Variants in TSHZ2 observed in about 807,000 individuals in gnomAD.
TSHZ2 encodes teashirt homolog 2.
Under a neutral mutation model 74.4 loss-of-function variants are expected in TSHZ2, and 21 were observed. The observed-to-expected ratio is 0.28, with a 90% CI of 0.20 to 0.41. The LOEUF (loss-of-function observed/expected upper bound fraction) is 0.41. TSHZ2 is among the 10% of genes least tolerant of loss of function. The pLI, the probability that TSHZ2 is intolerant of heterozygous loss-of-function variation, is 1.00. For missense variants in TSHZ2, 1,244 were observed against 1,293.5 expected (o/e 0.96, Z 0.59); for synonymous variants, 540 against 515.3 (o/e 1.05, Z -0.65).
At chr20:53,104,881 T>C (rs1278765124) in intron 1 of TSHZ2, among the ~76,000 whole-genome samples, 2 of 152,162 alleles carry the variant, frequency 1.3e-5, no homozygotes, top group African/African-American at 4.8e-5. Context: ...TTTCTGTGCA[T>C]GTTTGAGGAG....
chr20:52,999,904 A>G (rs1415710606), intron 1 of TSHZ2, among the ~76,000 whole-genome samples: 3 of 152,206 alleles, frequency 2.0e-5, no homozygotes, highest in Non-Finnish European at 2.9e-5. Context: ...CAAGCCACAT[A>G]CTCAGTGGTT....
intron 1 of TSHZ2, among the ~76,000 whole-genome samples, chr20:53,214,335 C>G (rs780320117): frequency 6.6e-6 from 1 of 152,022 alleles, no homozygotes; most frequent in Non-Finnish European, 1.5e-5. Flanking sequence ...AAATGCTGTG[C>G]AAGAAAAATG....
At chr20:53,457,949 G>A (rs1985173099) in intron 2 of TSHZ2, among the ~76,000 whole-genome samples, 4 of 149,444 alleles carry the variant, frequency 2.7e-5, no homozygotes, top group Non-Finnish European at 6.0e-5. Flanking sequence ...TGTGCTGCTG[G>A]ATTCGTTTTG....
rs367984099 is a variant in TSHZ2, at chr20:53,256,187, C to T, written c.2729C>T (p.Thr910Met). Residue 910 changes from threonine to methionine, a missense_variant, in exon 2 of 3, where the codon ACG becomes ATG. Transcript: ENST00000371497. This position sits in a 1 kb window ranked among gnomAD's most constrained non-coding sequence, Gnocchi z 4.3. ...LANVKYQLRK[T>M]GGTKFLKNMD... ...AACGTCAAGTACCAGCTTAGGAAAA[C>T]GGGCGGGACAAAATTTCTGAAAAAC... 21 of 1,612,306 alleles carry T rather than the reference C, an allele frequency of 1.3e-5. No individual in the cohort carries two copies. Among genetic ancestry groups the T allele is most frequent in the African/African-American group, 5.3e-5 (4 of 74,878 alleles).
intron 2 of TSHZ2, among the ~76,000 whole-genome samples, chr20:53,481,310 G>A (rs1219893310): frequency 6.6e-6 from 1 of 152,142 alleles, no homozygotes; most frequent in Non-Finnish European, 1.5e-5. Context: ...GGTGCCTCAT[G>A]CCTGTAATCC....
chr20:53,041,325 T>A (rs1294348589), intron 1 of TSHZ2, among the ~76,000 whole-genome samples: 1 of 152,250 alleles, frequency 6.6e-6, no homozygotes, highest in Non-Finnish European at 1.5e-5. Context: ...CCTAGCAAGA[T>A]GCCAAAATCA....
At chr20:53,037,130 T>A (rs1028700804) in intron 1 of TSHZ2, among the ~76,000 whole-genome samples, 1 of 152,200 alleles carries the variant, frequency 6.6e-6, no homozygotes, top group Non-Finnish European at 1.5e-5. Context: ...ATTCTTTCCC[T>A]ATGATGAATT....
At chr20:53,369,719 G>A (rs1318595984) in intron 2 of TSHZ2, among the ~76,000 whole-genome samples, 1 of 151,542 alleles carries the variant, frequency 6.6e-6, no homozygotes, top group Non-Finnish European at 1.5e-5. Context: ...TCAAAAAAAA[G>A]AAAAAAGTCC....
At chr20:53,260,936 G>A (rs1990589158) in intron 2 of TSHZ2, among the ~76,000 whole-genome samples, 1 of 152,186 alleles carries the variant, frequency 6.6e-6, no homozygotes, top group Non-Finnish European at 1.5e-5. Flanking sequence ...AACAATGACA[G>A]TGAAACTACC....
rs1248115467 is a variant in TSHZ2 at position 53,253,981 on chromosome 20, A to G, written c.523A>G (p.Lys175Glu). 6.2e-7 allele frequency: 1 copy of G among 1,614,180 alleles called. No individual in the cohort carries two copies. Among genetic ancestry groups the G allele is most frequent in the East Asian group, 2.2e-5 (1 of 44,876 alleles). The change falls in exon 2 of 3, where the codon AAA becomes GAA. Residue 175 changes from lysine to glutamate, a missense_variant. This residue lies in a region of TSHZ2 where 470 missense variants were observed against 456.5 expected (regional missense o/e 1.03). Transcript: ENST00000371497. ...DFDWHQDALS[K>E]SLQQNLPSRS... ...TGATTGGCACCAAGACGCTCTGTCCAAAAGCCTGCAGCAGAACTTGCCTTC... is the reference window on the plus strand; with the variant it reads ...TGATTGGCACCAAGACGCTCTGTCCGAAAGCCTGCAGCAGAACTTGCCTTC...
chr20:53,355,812 A>C (rs1352232896), intron 2 of TSHZ2, among the ~76,000 whole-genome samples: 1 of 152,252 alleles, frequency 6.6e-6, no homozygotes, highest in Non-Finnish European at 1.5e-5. Context: ...AAGAATAAGC[A>C]CAAAGAAGAA....
chr20:53,409,586 T>C (rs1171896702), intron 2 of TSHZ2, among the ~76,000 whole-genome samples: 1 of 152,222 alleles, frequency 6.6e-6, no homozygotes, highest in African/African-American at 2.4e-5. Flanking sequence ...GTCCTTGTTT[T>C]CAGGATGTTG....
chr20:53,011,988 T>C (rs1281308737), intron 1 of TSHZ2, among the ~76,000 whole-genome samples: 2 of 152,128 alleles, frequency 1.3e-5, no homozygotes, highest in African/African-American at 2.4e-5. Flanking sequence ...GCACAGAGAA[T>C]TGAGAAACGG....
intron 2 of TSHZ2, among the ~76,000 whole-genome samples, chr20:53,453,993 G>A (rs927164532): frequency 1.1e-4 from 17 of 152,106 alleles, no homozygotes; most frequent in African/African-American, 4.1e-4. Context: ...CTCTCTCCAG[G>A]AAAATCAAGT....
At chr20:52,990,094 T>A (rs1981923954) in intron 1 of TSHZ2, among the ~76,000 whole-genome samples, 2 of 152,172 alleles carry the variant, frequency 1.3e-5, no homozygotes, top group African/African-American at 4.8e-5. Context: ...TTGCACAAAA[T>A]CCTGTATTGA....
At chr20:53,011,913 C>T (rs1198028941) in intron 1 of TSHZ2, among the ~76,000 whole-genome samples, 1 of 152,112 alleles carries the variant, frequency 6.6e-6, no homozygotes, top group Non-Finnish European at 1.5e-5. Context: ...ATGGTCCCTG[C>T]ACTTTACAAA....
Position 53,359,749 on chromosome 20 carries a change from A to G in TSHZ2, c.*8+103178A>G, listed in dbSNP as rs186751581. Among the ~76,000 whole-genome samples, 966 of 152,316 alleles carry G rather than the reference A, an allele frequency of 6.3e-3. 55 individuals are homozygous for G. The highest frequency in any genetic ancestry group is 0.06 in the Admixed American group (916 of 15,294). On this transcript the variant is annotated intron_variant, in intron 2 of 2. Coordinates refer to ENST00000371497, the MANE Select transcript of TSHZ2 (RefSeq NM_173485.6). ...TGGAACAGAAAGATGGCTAGACAAAAGAGGGAAAGGAGATCAAGTCAGAAA... is the reference window on the plus strand; with the variant it reads ...TGGAACAGAAAGATGGCTAGACAAAGGAGGGAAAGGAGATCAAGTCAGAAA...
intron 1 of TSHZ2, among the ~76,000 whole-genome samples, chr20:53,078,453 C>CT (rs1985432451): frequency 6.6e-6 from 1 of 152,114 alleles, no homozygotes; most frequent in African/African-American, 2.4e-5. Context: ...TGAAATGGTA[C>CT]AAGATAAAAC....
At chr20:53,246,353 T>C (rs1431270307) in intron 1 of TSHZ2, among the ~76,000 whole-genome samples, 2 of 152,150 alleles carry the variant, frequency 1.3e-5, no homozygotes, top group Non-Finnish European at 2.9e-5. Context: ...CACTGTGCTT[T>C]TGATGTGCCA....
Sources: allele counts gnomAD v4.1 joint callset (sites outside exome capture counted in the v4.1 genomes callset), GRCh38; gene constraint gnomAD v4.1.1; regional missense constraint gnomAD v4.1.1; non-coding constraint Gnocchi (gnomAD v3.1); transcripts MANE v1.5; gene names NCBI Gene and HGNC (gene_info 2026-07-23, HGNC 2026-07-21).